Variants in TBCK observed in about 807,000 individuals in gnomAD.
TBCK encodes the protein TBC1 domain containing kinase.
Under a neutral mutation model 113.4 loss-of-function variants are expected in TBCK, and 99 were observed. The ratio of observed to expected loss-of-function variants is 0.87; its 90% CI spans 0.74 to 1.03. The LOEUF (loss-of-function observed/expected upper bound fraction) is 1.03, where lower values mean the gene tolerates loss of function less well. Among genes scored for constraint, TBCK ranks in the 50% least tolerant of loss-of-function variants. The pLI is 0.00. For missense variants in TBCK, 1,045 were observed against 1,061.3 expected (o/e 0.98, Z 0.21); for synonymous variants, 369 against 370.8 (o/e 1.00, Z 0.05).
intron 3 of TBCK, among the ~76,000 whole-genome samples, chr4:106,280,597 G>T (rs902788145): frequency 6.6e-6 from 1 of 151,996 alleles, no homozygotes; most frequent in African/African-American, 2.4e-5. Flanking sequence ...ATTTTGATTT[G>T]AATTTTTGTT....
intron 25 of TBCK, among the ~76,000 whole-genome samples, chr4:106,054,473 T>C (rs779186953): frequency 5.9e-5 from 9 of 151,708 alleles, no homozygotes; most frequent in Admixed American, 2.6e-4. Flanking sequence ...AAAGAAGCCA[T>C]CAGCACTCTT....
At chr4:106,152,455 T>A (rs533586573) in intron 23 of TBCK, among the ~76,000 whole-genome samples, 18 of 152,106 alleles carry the variant, frequency 1.2e-4, no homozygotes, top group South Asian at 2.1e-4. Context: ...TGATGAATGA[T>A]CTTTTCAATG....
intron 22 of TBCK, among the ~76,000 whole-genome samples, chr4:106,187,439 T>C (rs1753154357): frequency 6.6e-6 from 1 of 151,834 alleles, no homozygotes; most frequent in African/African-American, 2.4e-5. Context: ...TTTTTTGAGA[T>C]GGAGTCTTGC....
At chr4:106,082,710 C>T (rs563412434) in intron 25 of TBCK, among the ~76,000 whole-genome samples, 7 of 152,228 alleles carry the variant, frequency 4.6e-5, no homozygotes, top group African/African-American at 1.4e-4. Flanking sequence ...TTCCGAGGCT[C>T]GCATAGGAAA....
At position 106,295,128 on chromosome 4, in the gene TBCK, G is replaced by A. The variant is rs1168132391; in HGVS notation, c.232C>T (p.Leu78=). The A allele has an allele frequency of 1.9e-6, 3 of 1,613,454 alleles. No individual in the cohort carries two copies. The highest frequency in any genetic ancestry group is 2.2e-5 in the East Asian group (1 of 44,848). ...TTCCTTTCTCGAAGCAAGTCTTCCA[G>A]ACTACGTTCACAATGTTCAGCCACG... is the stretch of plus-strand genomic sequence containing the variant. ...VVVAEHCERS[L]EDLLRERKPV... is the part of the protein sequence containing the mutation. The change falls in exon 3 of 26, where the codon CTG becomes TTG. Residue 78 remains leucine (L), a synonymous_variant. Transcript: ENST00000394708.
intron 5 of TBCK, among the ~76,000 whole-genome samples, chr4:106,253,202 A>G (rs1379301939): frequency 1.3e-5 from 2 of 152,150 alleles, no homozygotes; most frequent in South Asian, 2.1e-4. Context: ...TGTACTGTTT[A>G]GTCAAGCATA....
In TBCK at chr4:106,253,455, A is replaced by AG. The variant is rs575097160; in HGVS notation, c.456-1449dup. ...GGTATACATCTGCAAAAGGTTCCCA[A>AG]GGTTAACAACCTAGACCCAAATTTC... On this transcript the variant is annotated intron_variant, in intron 5 of 25. Transcript: ENST00000394708. 2.1e-3 allele frequency among the ~76,000 whole-genome samples: 313 copies of AG among 152,300 alleles called. 1 individual carries two copies. The highest frequency in any genetic ancestry group is 7.2e-3 in the African/African-American group (298 of 41,554).
At position 106,239,361 on chromosome 4, in the gene TBCK, T is replaced by C. The variant is rs150870687; in HGVS notation, c.1171-2553A>G. Among the ~76,000 whole-genome samples the C allele has an allele frequency of 1.4e-4, 21 of 152,230 alleles. No homozygotes were observed. In the East Asian group the frequency reaches 3.5e-3, roughly 25 times the overall value. ...ATAAGATTATAAAATACTTCTCCCC[T>C]ATACTTTACTATGATATTAATAGGG... On this transcript the variant is annotated intron_variant, in intron 12 of 25. Coordinates refer to ENST00000394708, the MANE Select transcript of TBCK (RefSeq NM_001163435.3).
intron 22 of TBCK, among the ~76,000 whole-genome samples, chr4:106,171,950 C>A (rs1751080958): frequency 1.3e-5 from 2 of 152,034 alleles, no homozygotes; most frequent in Admixed American, 1.3e-4. Flanking sequence ...CGTGCCTCAG[C>A]CTTCCTAGAA....
At chr4:106,221,165 A>G (rs1579297438) in intron 19 of TBCK, among the ~76,000 whole-genome samples, 1 of 152,314 alleles carries the variant, frequency 6.6e-6, no homozygotes, top group South Asian at 2.1e-4. Flanking sequence ...TTGTATTTTT[A>G]GTAGAGACGG....
Position 106,232,959 on chromosome 4 carries a change from G to C in TBCK, c.1618C>G (p.Pro540Ala). ...RVLKAWVVSH[P>A]DLVYWQGLDS... ...TTACCTTGCCAATACACAAGATCAG[G>C]ATGAGACACTACCCAGGCTTTTAAT... The change falls in exon 17 of 26, where the codon CCT becomes GCT. Residue 540 changes from proline to alanine, a missense_variant. Coordinates refer to ENST00000394708, the MANE Select transcript of TBCK (RefSeq NM_001163435.3). 6.2e-7 allele frequency: 1 copy of C among 1,612,024 alleles called. No homozygotes were observed. The highest frequency in any genetic ancestry group is 2.2e-5 in the East Asian group (1 of 44,754).
intron 25 of TBCK, among the ~76,000 whole-genome samples, chr4:106,067,460 C>T (rs1010702578): frequency 6.6e-6 from 1 of 152,048 alleles, no homozygotes; most frequent in Non-Finnish European, 1.5e-5. Context: ...TATGGGTTGT[C>T]TTTTCACTCT....
Position 106,262,141 on chromosome 4 carries a change from AC to A in TBCK, c.337del (p.Val113TyrfsTer28), listed in dbSNP as rs1762566940. 2 of 1,548,410 alleles carry A rather than the reference AC, an allele frequency of 1.3e-6. No homozygotes were observed. The highest frequency in any genetic ancestry group is 2.0e-5 in the Admixed American group (1 of 50,898). ...ATTATGAGGAGACAATGCCCTGTGT[AC>A]TATACCATGTTTGTTCATATACTGC... Reference protein sequence around the residue: ...GLQYMNKHGIVHRALSPHNIL... With the variant: ...GLQYMNKHGIXHRALSPHNIL... On this transcript the variant is annotated frameshift_variant, in exon 4 of 26. Coordinates refer to ENST00000394708, the MANE Select transcript of TBCK (RefSeq NM_001163435.3). LOFTEE classifies it high-confidence loss of function.
intron 23 of TBCK, among the ~76,000 whole-genome samples, chr4:106,155,619 C>T (rs146827293): frequency 2.2e-4 from 33 of 152,138 alleles, no homozygotes; most frequent in Admixed American, 3.9e-4. Flanking sequence ...TTCAAACGGC[C>T]TGTCTTCAAG....
intron 23 of TBCK, among the ~76,000 whole-genome samples, chr4:106,156,225 A>C (rs1231120567): frequency 1.3e-5 from 2 of 152,090 alleles, no homozygotes; most frequent in Non-Finnish European, 2.9e-5. Flanking sequence ...AAAAAAATAG[A>C]GCCTCTTTCT....
chr4:106,307,373 C>A (rs1767641718), intron 2 of TBCK, among the ~76,000 whole-genome samples: 1 of 152,026 alleles, frequency 6.6e-6, no homozygotes, highest in Non-Finnish European at 1.5e-5. Flanking sequence ...ATGTAAAACA[C>A]TAAGAATATT....
chr4:106,148,692 T>C (rs934846135), intron 23 of TBCK, among the ~76,000 whole-genome samples: 1 of 152,212 alleles, frequency 6.6e-6, no homozygotes, highest in Non-Finnish European at 1.5e-5. Flanking sequence ...CCAGACTTGG[T>C]TGTTCCATTT....
chr4:106,167,469 G>A (rs1750529891), intron 23 of TBCK, among the ~76,000 whole-genome samples: 1 of 151,052 alleles, frequency 6.6e-6, no homozygotes, highest in Admixed American at 6.6e-5. Context: ...TTCCACCTTA[G>A]AAAACTAGAA....
chr4:106,123,252 T>G (rs1480826570), intron 23 of TBCK, among the ~76,000 whole-genome samples: 4 of 152,324 alleles, frequency 2.6e-5, no homozygotes, highest in South Asian at 4.1e-4. Context: ...AGCCAAATCA[T>G]GAGTGAACTC....
Sources: allele counts gnomAD v4.1 joint callset (sites outside exome capture counted in the v4.1 genomes callset), GRCh38; gene constraint gnomAD v4.1.1; transcripts MANE v1.5; gene names NCBI Gene and HGNC (gene_info 2026-07-23, HGNC 2026-07-21).